The following TMEM225B variants were observed in gnomAD, a reference collection of about 807,000 sequenced individuals.
TMEM225B encodes the protein transmembrane protein 225B, also known as transmembrane protein 225-like.
Under a neutral mutation model 16.9 loss-of-function variants are expected in TMEM225B, and 10 were observed. That is an observed-to-expected ratio of 0.59 (90% CI 0.36 to 1.00). The LOEUF (loss-of-function observed/expected upper bound fraction) is 1.00. TMEM225B is among the 50% of genes least tolerant of loss of function. TMEM225B has a pLI of 0.01. For synonymous variants in TMEM225B, 92 were observed against 109.8 expected, an observed-to-expected ratio of 0.84 and a Z score of 1.01; for missense variants, 217 against 267.0, an observed-to-expected ratio of 0.81 and a Z score of 1.30.
At chr7:99,600,662 C>G (rs970004648) in intron 2 of TMEM225B, among the ~76,000 whole-genome samples, 3 of 152,126 alleles carry the variant, frequency 2.0e-5, no homozygotes, top group Admixed American at 6.5e-5. Context: ...TTCACTACCA[C>G]GAGAACCGTA....
chr7:99,598,106 C>A (rs1307941754), upstream of TMEM225B: 1 of 152,210 alleles, frequency 6.6e-6, no homozygotes, highest in African/African-American at 2.4e-5. Flanking sequence ...GCCTGGTTTC[C>A]CCACCCTCCA....
intron 5 of TMEM225B, among the ~76,000 whole-genome samples, chr7:99,609,456 C>T (rs1806149727): frequency 6.6e-6 from 1 of 151,924 alleles, no homozygotes; most frequent in African/African-American, 2.4e-5. Flanking sequence ...TTTTTGTTCC[C>T]GAGATGGAGT....
At chr7:99,598,892 C>CTGA (rs1410313422) in intron 1 of TMEM225B, among the ~76,000 whole-genome samples, 1 of 152,190 alleles carries the variant, frequency 6.6e-6, no homozygotes. Flanking sequence ...AGCCAGTGGT[C>CTGA]CTCAGACGCT....
At chr7:99,600,397 A>G (rs935773611) in intron 2 of TMEM225B, 112 bp downstream of exon 2, 9 of 672,206 alleles carry the variant, frequency 1.3e-5, no homozygotes, top group South Asian at 1.3e-4. Context: ...TGGGGAGCAG[A>G]ACAGGCACCC....
intron 3 of TMEM225B, chr7:99,605,573 T>A (rs1479923707): frequency 6.6e-6 from 1 of 151,764 alleles, no homozygotes; most frequent in East Asian, 2.0e-4. Context: ...GGACTACAGG[T>A]GCGCACCACA....
At chr7:99,607,003 T>C in intron 4 of TMEM225B, 109 bp downstream of exon 4, 2 of 1,277,070 alleles carry the variant, frequency 1.6e-6, no homozygotes, top group Non-Finnish European at 2.1e-6. Flanking sequence ...ATTTTTCTTT[T>C]TAGGGACAGG....
chr7:99,608,708 TA>T (rs34289563), intron 5 of TMEM225B, among the ~76,000 whole-genome samples: 173 of 120,250 alleles, frequency 1.4e-3, no homozygotes, highest in African/African-American at 2.7e-3. Flanking sequence ...GCCAGCTAGT[TA>T]AAAAAAAATA....
In TMEM225B at chr7:99,607,770, C is replaced by G. The variant is rs746700960; in HGVS notation, c.453C>G (p.Tyr151Ter). 1 of 1,536,118 alleles carries G rather than the reference C, an allele frequency of 6.5e-7. No homozygotes were observed. The highest frequency in any genetic ancestry group is 8.7e-7 in the Non-Finnish European group (1 of 1,146,900). Residue 151 changes from tyrosine (Y) to a stop codon, truncating the protein, a stop_gained, in exon 5 of 6, where the codon TAC becomes TAG. Transcript: ENST00000431679. LOFTEE classifies it low-confidence loss of function (END_TRUNC). ...GPLQFSVLWP[Y>*]YVLGFGIFLF... Reference sequence around the variant, plus strand: ...TGCAGTTCTCCGTGCTGTGGCCTTACTACGTGCTGGGCTTCGGCATCTTTC... The same window carrying G: ...TGCAGTTCTCCGTGCTGTGGCCTTAGTACGTGCTGGGCTTCGGCATCTTTC...
intron 5 of TMEM225B, among the ~76,000 whole-genome samples, chr7:99,609,182 A>G (rs1324305250): frequency 6.6e-6 from 1 of 151,956 alleles, no homozygotes; most frequent in African/African-American, 2.4e-5. Context: ...CAAACAAACA[A>G]AAAACCACAT....
chr7:99,607,909 T>C (rs1805963722), intron 5 of TMEM225B, 99 bp downstream of exon 5: 3 of 1,294,110 alleles, frequency 2.3e-6, no homozygotes, highest in Non-Finnish European at 3.1e-6. Flanking sequence ...AGAATTGCAC[T>C]GTTCCAAACC....
In TMEM225B at chr7:99,600,189, G is replaced by A; in HGVS notation, c.-84-16G>A. On this transcript the variant is annotated splice_polypyrimidine_tract_variant and intron_variant, in intron 1 of 5. Coordinates refer to ENST00000431679, the MANE Select transcript of TMEM225B (RefSeq NM_001195541.3). The stretch of plus-strand genomic sequence containing the variant: ...GCACTGCATCACATGATGTGTTTCT[G>A]TGTCTCTCTCCCTAGCAGTTCCAAG... 1.4e-6 allele frequency: 1 copy of A among 702,952 alleles called. No individual in the cohort carries two copies. The highest frequency in any genetic ancestry group is 1.5e-5 in the South Asian group (1 of 67,606). The allele number at this position is 702,952 out of a possible 1,614,324, so 43.5% of individuals were successfully genotyped here.
intron 5 of TMEM225B, among the ~76,000 whole-genome samples, chr7:99,608,978 C>T (rs1056786717): frequency 6.6e-6 from 1 of 151,640 alleles, no homozygotes; most frequent in Non-Finnish European, 1.5e-5. Flanking sequence ...ACCAGCCTGG[C>T]CAACATGGCG....
rs886065596 is a variant in TMEM225B, at chr7:99,610,978, G to A, written c.*413G>A. Among the ~76,000 whole-genome samples the A allele has an allele frequency of 6.6e-6, 1 of 152,026 alleles. No individual in the cohort carries two copies. The highest frequency in any genetic ancestry group is 1.5e-5 in the Non-Finnish European group (1 of 68,022). ...CAACTATTTGGGCTGGTGGCACAGG[G>A]GTAAAAGAATTTACCAAGACGGTTG... On this transcript the variant is annotated 3_prime_UTR_variant, in exon 6 of 6. Coordinates refer to ENST00000431679, the MANE Select transcript of TMEM225B (RefSeq NM_001195541.3).
intron 4 of TMEM225B, among the ~76,000 whole-genome samples, chr7:99,607,471 T>C (rs989072377): frequency 1.3e-4 from 20 of 152,132 alleles, no homozygotes; most frequent in African/African-American, 3.9e-4. Context: ...GGAGTTCTGA[T>C]GATGGTTCCC....
intron 1 of TMEM225B, among the ~76,000 whole-genome samples, chr7:99,599,352 G>A (rs978923383): frequency 4.6e-5 from 7 of 152,038 alleles, no homozygotes; most frequent in African/African-American, 1.4e-4. Context: ...GGGAGGTAAA[G>A]GTGGGAGGAT....
chr7:99,606,740 C>T lies in TMEM225B; in HGVS notation c.209-8C>T, dbSNP rs1237542016. 2.6e-6 allele frequency: 4 copies of T among 1,535,930 alleles called. No individual in the cohort carries two copies. The highest frequency in any genetic ancestry group is 2.6e-6 in the Non-Finnish European group (3 of 1,146,818). On this transcript the variant is annotated splice_polypyrimidine_tract_variant and splice_region_variant and intron_variant, in intron 3 of 5. Transcript: ENST00000431679. ...CCAGCTTCAGCCCCACTTCTCCCTC[C>T]CCTGCAGTTTACATCATCCTCGGCC...
intron 5 of TMEM225B, 143 bp downstream of exon 5, chr7:99,607,953 C>T (rs530705994): frequency 3.6e-5 from 33 of 921,570 alleles, no homozygotes; most frequent in African/African-American, 1.0e-4. Context: ...ATTTAACTTT[C>T]GTTAATTAAA....
chr7:99,604,067 C>A (rs1352745482), intron 2 of TMEM225B, among the ~76,000 whole-genome samples: 1 of 152,158 alleles, frequency 6.6e-6, no homozygotes, highest in African/African-American at 2.4e-5. Context: ...AAGTTGAGAA[C>A]TTTAAAGCTG....
intron 1 of TMEM225B, among the ~76,000 whole-genome samples, 182 bp from the exon 2 acceptor site, chr7:99,600,023 G>A (rs569022904): frequency 6.6e-6 from 1 of 152,348 alleles, no homozygotes; most frequent in East Asian, 1.9e-4. Flanking sequence ...CTTCAGGGAG[G>A]GACCTGGACT....
Sources: gnomAD v4.1 joint callset for allele counts (sites outside exome capture counted in the v4.1 genomes callset) on GRCh38, gnomAD v4.1.1 for gene constraint, MANE v1.5 for transcripts, NCBI Gene and HGNC (gene_info 2026-07-23, HGNC 2026-07-21) for gene names.